Variants in RALGDS observed in about 807,000 individuals in gnomAD.
RALGDS encodes ral guanine nucleotide exchange factor.
RALGDS carries 44 observed loss-of-function variants against 99.8 expected under a neutral mutation model. That is an observed-to-expected ratio of 0.44 (90% CI 0.35 to 0.57). The LOEUF is 0.57. Ranked by LOEUF, RALGDS falls within the 20% of genes least tolerant of loss-of-function variation. The probability of loss-of-function intolerance (pLI) is 0.01; values close to 1 mark genes in which losing one functional copy is unlikely to be tolerated. For missense variants in RALGDS, 1,022 were observed against 1,203.1 expected, an observed-to-expected ratio of 0.85 and a Z score of 2.23; for synonymous variants, 529 against 505.0, an observed-to-expected ratio of 1.05 and a Z score of -0.64.
chr9:133,133,699 C>A (rs544858243), upstream of RALGDS, among the ~76,000 whole-genome samples: 2 of 152,210 alleles, frequency 1.3e-5, no homozygotes. Flanking sequence ...CGACCCTGAC[C>A]CCAGGCTTCT....
At chr9:133,100,239 T>C in intron 17 of RALGDS, 29 bp downstream of exon 17, 1 of 1,600,894 alleles carries the variant, frequency 6.2e-7, no homozygotes, top group Non-Finnish European at 8.6e-7. Flanking sequence ...CTGCCCCCTC[T>C]GCCATCGCCC....
At chr9:133,137,723 G>A (rs565248709) in intron 1 of RALGDS, among the ~76,000 whole-genome samples, 33 of 152,326 alleles carry the variant, frequency 2.2e-4, no homozygotes, top group African/African-American at 7.0e-4. Context: ...GCCCTGGGAC[G>A]GTGGAGGCGG....
At position 133,098,360 on chromosome 9, in the gene RALGDS, T is replaced by G. The variant is rs1403923021; in HGVS notation, c.*227A>C. 1.7e-6 allele frequency: 1 copy of G among 578,146 alleles called. No homozygotes were observed. Among genetic ancestry groups the G allele is most frequent in the African/African-American group, 1.9e-5 (1 of 53,618 alleles). 35.8% of individuals were successfully genotyped at this position (578,146 alleles called of 1,614,324 possible). ...CTCCTTGGCAAAAGTCAGCTAGTCC[T>G]CTGGTTCCAGAGAGCAGAAGGCACC... On this transcript the variant is annotated 3_prime_UTR_variant, in exon 18 of 18. Transcript: ENST00000372050.
At chr9:133,133,389 G>A (rs1355429113), upstream of RALGDS, among the ~76,000 whole-genome samples, 1 of 152,190 alleles carries the variant, frequency 6.6e-6, no homozygotes. Context: ...GGAGCAGCAG[G>A]GCCATGCACC....
intron 16 of RALGDS, chr9:133,100,993 A>G: frequency 5.7e-6 from 6 of 1,055,780 alleles, no homozygotes; most frequent in Non-Finnish European, 6.9e-6. Context: ...GTCGCAGGAC[A>G]CCTGGAGGAT....
Position 133,098,942 on chromosome 9 carries a change from G to A in RALGDS, c.2570-180C>T, listed in dbSNP as rs942203133. The A allele has an allele frequency of 1.1e-5, 7 of 627,106 alleles. No individual in the cohort carries two copies. In the East Asian group the frequency reaches 1.9e-4, roughly 17 times the overall value. The allele number at this position is 627,106 out of a possible 1,614,324, so 38.8% of individuals were successfully genotyped here. ...CTCCTGCCTGAGGACAGACTCTGCT[G>A]AGGTCCTCACAAAACCTGATGACTC... On this transcript the variant is annotated intron_variant, in intron 17 of 17. Transcript: ENST00000372050.
intron 1 of RALGDS, among the ~76,000 whole-genome samples, chr9:133,115,791 G>C (rs971053135): frequency 5.9e-5 from 9 of 152,240 alleles, no homozygotes; most frequent in Non-Finnish European, 7.3e-5. Context: ...GCCTGCCTAA[G>C]GCTCAGGGAC....
At chr9:133,112,196 G>T in intron 1 of RALGDS, 44 bp from the exon 2 acceptor site, 2 of 1,336,232 alleles carry the variant, frequency 1.5e-6, no homozygotes, top group African/African-American at 1.5e-5. Flanking sequence ...GACGTCAAGG[G>T]CCTGCCTGGC....
Position 133,103,281 on chromosome 9 carries a change from A to G in RALGDS, c.1759-19T>C, listed in dbSNP as rs757479039. The G allele has an allele frequency of 1.1e-5, 17 of 1,613,712 alleles. No homozygotes were observed. Among genetic ancestry groups the G allele is most frequent in the South Asian group, 2.2e-5 (2 of 91,086 alleles). ...GTCTGCCCTGGAAGGTGGACACCCA[A>G]TGGCCGTCAGAAAGTGACCCCTTGA... On this transcript the variant is annotated intron_variant, in intron 11 of 17. Transcript: ENST00000372050.
At chr9:133,112,204 G>C in intron 1 of RALGDS, 52 bp from the exon 2 acceptor site, 1 of 1,277,874 alleles carries the variant, frequency 7.8e-7, no homozygotes, top group Non-Finnish European at 1.1e-6. Context: ...GGGCCTGCCT[G>C]GCCACCGTGC....
intron 1 of RALGDS, among the ~76,000 whole-genome samples, chr9:133,148,507 C>A (rs1832662863): frequency 6.6e-6 from 1 of 152,136 alleles, no homozygotes; most frequent in South Asian, 2.1e-4. Flanking sequence ...CCAGTCACTT[C>A]CCCAGCGTCC....
intron 17 of RALGDS, 53 bp downstream of exon 17, chr9:133,100,215 G>T: frequency 6.7e-7 from 1 of 1,498,914 alleles, no homozygotes. Flanking sequence ...CTGGGGCTGG[G>T]GAGTGGTGTG....
At chr9:133,104,374 A>G in intron 9 of RALGDS, 43 bp from the exon 10 acceptor site, 1 of 1,545,532 alleles carries the variant, frequency 6.5e-7, no homozygotes, top group Non-Finnish European at 8.9e-7. Flanking sequence ...CTATCCCCTC[A>G]GCCCTCAGGC....
intron 6 of RALGDS, 32 bp downstream of exon 6, chr9:133,107,956 C>A (rs1257349428): frequency 6.2e-7 from 1 of 1,611,582 alleles, no homozygotes; most frequent in Non-Finnish European, 8.5e-7. Flanking sequence ...GAAGGCAGGC[C>A]CACCCCTGCC....
In RALGDS at chr9:133,121,170, CGGGCGCGGGGCCGGCCCGGCGCGCGGCGG is replaced by C; in HGVS notation, c.-45_-17del. On this transcript the variant is annotated 5_prime_UTR_variant, in exon 1 of 18. Coordinates refer to ENST00000372050, the MANE Select transcript of RALGDS (RefSeq NM_006266.4). ...GCTGCACCATGGAAGGCTCGCAGCGCGGGCGCGGGGCCGGCCCGGCGCGCGGCGGGGGCGGCGGCGCGGCCCGCGCGGCT... is the reference window on the plus strand; with the variant it reads ...GCTGCACCATGGAAGGCTCGCAGCGCGGGCGGCGGCGCGGCCCGCGCGGCT... 1.4e-5 allele frequency: 16 copies of C among 1,125,160 alleles called. No individual in the cohort carries two copies. Among genetic ancestry groups the C allele is most frequent in the Non-Finnish European group, 1.6e-5 (15 of 919,754 alleles). The allele number at this position is 1,125,160 out of a possible 1,614,324, so 69.7% of individuals were successfully genotyped here.
At chr9:133,106,856 G>A in intron 7 of RALGDS, 108 bp from the exon 8 acceptor site, 1 of 973,958 alleles carries the variant, frequency 1.0e-6, no homozygotes, top group Non-Finnish European at 1.6e-6. Context: ...GACACCCAGG[G>A]AGTCCCCAGA....
intron 11 of RALGDS, 90 bp downstream of exon 11, chr9:133,103,657 T>G: frequency 7.7e-7 from 1 of 1,302,358 alleles, no homozygotes; most frequent in Non-Finnish European, 1.1e-6. Flanking sequence ...TGTTTACTCA[T>G]TGCTGGGACA....
At chr9:133,123,821 C>T (rs55950819), upstream of RALGDS, among the ~76,000 whole-genome samples, 39 of 11,254 alleles carry the variant, frequency 3.5e-3, 12 homozygotes, top group Non-Finnish European at 8.5e-3. Context: ...CACAGAGAGA[C>T]AGAGACACAG....
In RALGDS at chr9:133,101,529, C is replaced by G. The variant is rs1225334988; in HGVS notation, c.2445G>C (p.Lys815Asn). 1 of 1,612,206 alleles carries G rather than the reference C, an allele frequency of 6.2e-7. No individual in the cohort carries two copies. Among genetic ancestry groups the G allele is most frequent in the South Asian group, 1.1e-5 (1 of 91,064 alleles). ...SLDVDNGNMY[K>N]SILVTSQDKA... ...ACCCCCGCCGGCTTACCAGGATGCT[C>G]TTGTACATGTTGCCATTGTCCACGT... Residue 815 changes from lysine to asparagine, a missense_variant, in exon 16 of 18, where the codon AAG becomes AAC. Physicochemically the swap from Lys to Asn is moderately conservative, Grantham distance 94. Transcript: ENST00000372050.
Sources: gnomAD v4.1 joint callset for allele counts (sites outside exome capture counted in the v4.1 genomes callset) on GRCh38, gnomAD v4.1.1 for gene constraint, MANE v1.5 for transcripts, NCBI Gene and HGNC (gene_info 2026-07-23, HGNC 2026-07-21) for gene names.